RIN3: variants seen among roughly 807,000 people sequenced by gnomAD.
RIN3 encodes RAB5 interacting protein 3.
Under a neutral mutation model 76.3 loss-of-function variants are expected in RIN3, and 54 were observed. That is an observed-to-expected ratio of 0.71 (90% CI 0.57 to 0.89). RIN3 has a LOEUF of 0.89. RIN3 is among the 40% of genes least tolerant of loss of function. RIN3 has a pLI of 0.00. For synonymous variants in RIN3, 576 were observed against 564.0 expected (o/e 1.02, Z -0.30); for missense variants, 1,256 against 1,322.1 (o/e 0.95, Z 0.78).
intron 1 of RIN3, among the ~76,000 whole-genome samples, chr14:92,520,422 GC>G (rs1896566374): frequency 1.3e-5 from 2 of 152,178 alleles, no homozygotes; most frequent in African/African-American, 4.8e-5. Flanking sequence ...CCCTAGGGGG[GC>G]TCTCCTAGAG....
At chr14:92,666,147 C>T (rs1888092468) in intron 7 of RIN3, among the ~76,000 whole-genome samples, 1 of 151,918 alleles carries the variant, frequency 6.6e-6, no homozygotes, top group African/African-American at 2.4e-5. Context: ...CTCTAGTCTT[C>T]CCAGCCCCCT....
chr14:92,551,135 A>C (rs915323958), intron 1 of RIN3, among the ~76,000 whole-genome samples: 1 of 152,214 alleles, frequency 6.6e-6, no homozygotes, highest in Admixed American at 6.5e-5. Flanking sequence ...TTGGTATAAA[A>C]TTTGCATGTG....
intron 1 of RIN3, among the ~76,000 whole-genome samples, chr14:92,516,116 C>T (rs945730413): frequency 5.9e-5 from 9 of 152,178 alleles, no homozygotes; most frequent in East Asian, 1.9e-4. Context: ...CTAGACCAGT[C>T]ACCTTTTCAC....
chr14:92,675,986 C>T lies in RIN3; in HGVS notation c.2336-489C>T, dbSNP rs75930162. Among the ~76,000 whole-genome samples the T allele has an allele frequency of 6.9e-3, 1,041 of 151,950 alleles. 28 individuals carry two copies. The highest frequency in any genetic ancestry group is 0.034 in the East Asian group (177 of 5,166). On this transcript the variant is annotated intron_variant, in intron 7 of 9. Transcript: ENST00000216487. Reference sequence around the variant, plus strand: ...AGGCCTTAGGAAAGGGCACTGTTTACGCCAAAAAAAGGAAGAAGGCTGAAT... The same window carrying T: ...AGGCCTTAGGAAAGGGCACTGTTTATGCCAAAAAAAGGAAGAAGGCTGAAT...
At chr14:92,570,492 A>G (rs1898034966) in intron 2 of RIN3, among the ~76,000 whole-genome samples, 1 of 152,076 alleles carries the variant, frequency 6.6e-6, no homozygotes, top group Admixed American at 6.6e-5. Flanking sequence ...ATGAAGCCCC[A>G]TCTCCACAAA....
chr14:92,617,573 G>A (rs1411154111), intron 4 of RIN3, among the ~76,000 whole-genome samples: 1 of 152,158 alleles, frequency 6.6e-6, no homozygotes, highest in Non-Finnish European at 1.5e-5. Context: ...AAACCTTTGA[G>A]AGAATACAGC....
At chr14:92,682,982 A>G (rs1328865407) in intron 8 of RIN3, among the ~76,000 whole-genome samples, 1 of 152,104 alleles carries the variant, frequency 6.6e-6, no homozygotes, top group Non-Finnish European at 1.5e-5. Context: ...CCTGGCCAAC[A>G]TGGTGAAACC....
intron 1 of RIN3, among the ~76,000 whole-genome samples, chr14:92,535,669 CTTTTTTTTTTT>C (rs59009829): frequency 3.2e-5 from 3 of 94,092 alleles, no homozygotes; most frequent in East Asian, 3.3e-4. Context: ...CTGGAACAGA[CTTTTTTTTTTT>C]TTTTTTTTTT....
intron 4 of RIN3, among the ~76,000 whole-genome samples, chr14:92,616,412 AGTTACAAAGTCTTTTACTTG>A (rs1208359659): frequency 2.6e-5 from 4 of 152,306 alleles, no homozygotes; most frequent in South Asian, 2.1e-4. Context: ...GATGACGTAA[AGTTACAAAGTCTTTTACTTG>A]GCCTACACTG....
intron 4 of RIN3, among the ~76,000 whole-genome samples, chr14:92,618,910 G>C (rs1182017305): frequency 6.6e-6 from 1 of 152,128 alleles, no homozygotes; most frequent in Non-Finnish European, 1.5e-5. Context: ...TCTCCATGAG[G>C]CCATGCTTAA....
intron 8 of RIN3, among the ~76,000 whole-genome samples, chr14:92,677,053 A>G (rs894249992): frequency 9.2e-5 from 14 of 152,198 alleles, no homozygotes; most frequent in African/African-American, 2.9e-4. Context: ...GCTCACAGTA[A>G]GAGTCTGAGA....
At chr14:92,550,388 T>A (rs1324526122) in intron 1 of RIN3, among the ~76,000 whole-genome samples, 1 of 152,140 alleles carries the variant, frequency 6.6e-6, no homozygotes, top group Non-Finnish European at 1.5e-5. Flanking sequence ...TGTTTTTACT[T>A]ATTTTTATTT....
At chr14:92,646,311 T>G (rs1034928528) in intron 5 of RIN3, among the ~76,000 whole-genome samples, 1 of 152,234 alleles carries the variant, frequency 6.6e-6, no homozygotes, top group African/African-American at 2.4e-5. Flanking sequence ...AAGCCTGGAT[T>G]TGGCATTGGG....
intron 2 of RIN3, among the ~76,000 whole-genome samples, chr14:92,556,482 A>G (rs990071150): frequency 1.3e-5 from 2 of 152,224 alleles, no homozygotes; most frequent in African/African-American, 4.8e-5. Context: ...TTGCTTTGAA[A>G]TAGGGGCATT....
Position 92,513,807 on chromosome 14 carries a change from G to A in RIN3, c.-126G>A. 1 of 509,984 alleles carries A rather than the reference G, an allele frequency of 2.0e-6. No individual in the cohort carries two copies. The highest frequency in any genetic ancestry group is 3.7e-5 in the East Asian group (1 of 26,918). The allele number at this position is 509,984 out of a possible 1,614,324, so 31.6% of individuals were successfully genotyped here. ...GAAGGGAGCGAGAGCCCCAGAGCGC[G>A]GCGGCAGCGGCGGCCTGGCCCTTCC... On this transcript the variant is annotated 5_prime_UTR_variant, in exon 1 of 10. Transcript: ENST00000216487.
intron 4 of RIN3, among the ~76,000 whole-genome samples, chr14:92,636,681 G>C (rs1886789070): frequency 6.6e-6 from 1 of 152,172 alleles, no homozygotes; most frequent in Admixed American, 6.5e-5. Flanking sequence ...TCACTATATA[G>C]ATCACTTTAC....
At chr14:92,620,767 A>C (rs1399610506) in intron 4 of RIN3, among the ~76,000 whole-genome samples, 5 of 152,226 alleles carry the variant, frequency 3.3e-5, no homozygotes, top group Non-Finnish European at 2.9e-5. Context: ...TAGGGCCCCC[A>C]AAAACCCACA....
intron 3 of RIN3, among the ~76,000 whole-genome samples, chr14:92,615,172 G>A (rs1318918593): frequency 6.6e-6 from 1 of 152,050 alleles, no homozygotes; most frequent in African/African-American, 2.4e-5. Flanking sequence ...CTCGAAAATG[G>A]ACTAATACAA....
At chr14:92,608,884 G>T (rs971480657) in intron 3 of RIN3, among the ~76,000 whole-genome samples, 4 of 152,060 alleles carry the variant, frequency 2.6e-5, no homozygotes, top group African/African-American at 9.7e-5. Flanking sequence ...CAAAAAACTT[G>T]CATTTAAAAA....
Sources: gnomAD v4.1 joint callset for allele counts (sites outside exome capture counted in the v4.1 genomes callset) on GRCh38, gnomAD v4.1.1 for gene constraint, MANE v1.5 for transcripts, NCBI Gene and HGNC (gene_info 2026-07-23, HGNC 2026-07-21) for gene names.